Variants in GSK3B observed in about 807,000 individuals in gnomAD.
GSK3B encodes glycogen synthase kinase 3 beta, also known as glycogen synthase kinase-3 beta.
Under a neutral mutation model 56.4 loss-of-function variants are expected in GSK3B, and 15 were observed. The observed-to-expected ratio is 0.27, with a 90% CI of 0.18 to 0.41. The LOEUF is 0.41. Among genes scored for constraint, GSK3B ranks in the 10% least tolerant of loss-of-function variants. The probability of loss-of-function intolerance (pLI) is 1.00; values close to 1 mark genes in which losing one functional copy is unlikely to be tolerated. For synonymous variants in GSK3B, 181 were observed against 188.9 expected (o/e 0.96, Z 0.34); for missense variants, 300 against 513.4 (o/e 0.58, Z 4.02).
At chr3:119,891,747 T>G (rs1189753353) in intron 7 of GSK3B, among the ~76,000 whole-genome samples, 1 of 152,070 alleles carries the variant, frequency 6.6e-6, no homozygotes, top group Non-Finnish European at 1.5e-5. Context: ...CACTCTTCTG[T>G]AAGTGTATTT....
At chr3:119,925,171 A>G (rs141893850) in intron 3 of GSK3B, among the ~76,000 whole-genome samples, 231 of 151,864 alleles carry the variant, frequency 1.5e-3, no homozygotes, top group Middle Eastern at 3.4e-3. Flanking sequence ...TCTACAAAAA[A>G]TACAAAAATT....
chr3:119,951,960 A>C (rs1239945606), intron 2 of GSK3B, among the ~76,000 whole-genome samples: 1 of 152,034 alleles, frequency 6.6e-6, no homozygotes, highest in Non-Finnish European at 1.5e-5. Flanking sequence ...GCATTAAAAA[A>C]AAAAACCCAG....
intron 2 of GSK3B, among the ~76,000 whole-genome samples, chr3:119,955,641 CTTTTGT>C (rs1483123154): frequency 7.0e-6 from 1 of 142,032 alleles, no homozygotes; most frequent in Admixed American, 6.9e-5. Context: ...GTTTTTTTTG[CTTTTGT>C]TTTTGTTGTT....
intron 1 of GSK3B, among the ~76,000 whole-genome samples, chr3:120,069,274 G>C (rs2058307385): frequency 6.6e-6 from 1 of 151,860 alleles, no homozygotes; most frequent in African/African-American, 2.4e-5. Context: ...TTTCAAAGTA[G>C]GAAATAAAAA....
At chr3:120,038,944 A>G (rs986809789) in intron 1 of GSK3B, among the ~76,000 whole-genome samples, 1 of 151,560 alleles carries the variant, frequency 6.6e-6, no homozygotes, top group Non-Finnish European at 1.5e-5. Flanking sequence ...TGCAATACAC[A>G]TATCTGATAA....
chr3:120,040,253 G>A (rs562011048), intron 1 of GSK3B, among the ~76,000 whole-genome samples: 4 of 152,226 alleles, frequency 2.6e-5, no homozygotes, highest in African/African-American at 9.7e-5. Context: ...GCTGTGCAGA[G>A]TGAGTGGGTC....
At chr3:120,065,290 A>C (rs2058269590) in intron 1 of GSK3B, among the ~76,000 whole-genome samples, 1 of 152,224 alleles carries the variant, frequency 6.6e-6, no homozygotes, top group Non-Finnish European at 1.5e-5. Flanking sequence ...CAGTTTTTAA[A>C]AGACAAAGAA....
chr3:119,953,389 A>C (rs1275575138), intron 2 of GSK3B, among the ~76,000 whole-genome samples: 1 of 152,210 alleles, frequency 6.6e-6, no homozygotes, highest in Non-Finnish European at 1.5e-5. Context: ...ATACAATCAA[A>C]AGGCTATATA....
chr3:120,013,938 G>A (rs2057801721), intron 1 of GSK3B, among the ~76,000 whole-genome samples: 1 of 151,822 alleles, frequency 6.6e-6, no homozygotes. Flanking sequence ...GGGAGGCCAA[G>A]GTGAGTGGAT....
At chr3:119,994,722 A>C (rs577996820) in intron 2 of GSK3B, among the ~76,000 whole-genome samples, 1 of 152,338 alleles carries the variant, frequency 6.6e-6, no homozygotes, top group South Asian at 2.1e-4. Context: ...GCTGTCCTAT[A>C]CTGTTCAAAA....
chr3:120,008,917 T>A lies in GSK3B; in HGVS notation c.89-6678A>T, dbSNP rs200966378. 5.3e-5 allele frequency among the ~76,000 whole-genome samples: 8 copies of A among 151,788 alleles called. No individual in the cohort carries two copies. The East Asian group carries it at 1.6e-3, about 29-fold the overall frequency. On this transcript the variant is annotated intron_variant, in intron 1 of 10. Transcript: ENST00000264235. The stretch of plus-strand genomic sequence containing the variant: ...CAAAAGAAACAGAATGGGAGAAAAA[T>A]TTTTGCAATCTATCCATCTGACAAA...
At chr3:120,063,553 C>T (rs983053045) in intron 1 of GSK3B, among the ~76,000 whole-genome samples, 7 of 150,876 alleles carry the variant, frequency 4.6e-5, no homozygotes, top group Non-Finnish European at 1.0e-4. Flanking sequence ...ATGGTGAAAC[C>T]CTGTCTCTAC....
intron 1 of GSK3B, among the ~76,000 whole-genome samples, chr3:120,030,982 C>T (rs889487399): frequency 6.6e-6 from 1 of 152,192 alleles, no homozygotes; most frequent in African/African-American, 2.4e-5. Context: ...TCCTAACAAA[C>T]TCTGTTCAAT....
chr3:119,919,218 A>C (rs2056811573), intron 4 of GSK3B, among the ~76,000 whole-genome samples: 1 of 152,192 alleles, frequency 6.6e-6, no homozygotes, highest in Non-Finnish European at 1.5e-5. Flanking sequence ...AGGCAATTAT[A>C]AAGAAATGCA....
chr3:119,911,724 A>T (rs115285987), intron 6 of GSK3B, among the ~76,000 whole-genome samples: 2,441 of 152,250 alleles, frequency 0.016, 63 homozygotes, highest in African/African-American at 0.056. Context: ...CTTGCCTTGC[A>T]CTTTTATGGC....
intron 7 of GSK3B, among the ~76,000 whole-genome samples, chr3:119,900,797 C>T (rs1363536853): frequency 1.3e-5 from 2 of 151,940 alleles, no homozygotes. Context: ...CTTAATTGTT[C>T]AGTTTTTAAA....
intron 5 of GSK3B, 85 bp downstream of exon 5, chr3:119,915,959 A>C: frequency 1.1e-6 from 1 of 889,064 alleles, no homozygotes; most frequent in Non-Finnish European, 1.8e-6. Context: ...GTTTAGGCTG[A>C]TATTGCAAAA....
intron 7 of GSK3B, among the ~76,000 whole-genome samples, chr3:119,897,379 T>C (rs1212455268): frequency 6.6e-6 from 1 of 152,116 alleles, no homozygotes; most frequent in Non-Finnish European, 1.5e-5. Context: ...ATAATTCTTT[T>C]AATGCCTCCG....
chr3:120,035,302 G>A (rs535470913), intron 1 of GSK3B, among the ~76,000 whole-genome samples: 24 of 152,242 alleles, frequency 1.6e-4, no homozygotes, highest in South Asian at 1.0e-3. Flanking sequence ...AGCAGCAAGC[G>A]GGGATAATTC....
Sources: gnomAD v4.1 joint callset for allele counts (sites outside exome capture counted in the v4.1 genomes callset) on GRCh38, gnomAD v4.1.1 for gene constraint, MANE v1.5 for transcripts, NCBI Gene and HGNC (gene_info 2026-07-23, HGNC 2026-07-21) for gene names.